THADA: variants seen among roughly 807,000 people sequenced by gnomAD.
THADA encodes the protein tRNA (32-2'-O)-methyltransferase regulator THADA.
Under a neutral mutation model 219.8 loss-of-function variants are expected in THADA, and 213 were observed. The ratio of observed to expected loss-of-function variants is 0.97; its 90% CI spans 0.87 to 1.09. THADA has a LOEUF of 1.09. Among genes scored for constraint, THADA ranks in the 50% least tolerant of loss-of-function variants. The pLI, the probability that THADA is intolerant of heterozygous loss-of-function variation, is 0.00. For synonymous variants in THADA, 1,018 were observed against 828.9 expected, an observed-to-expected ratio of 1.23 and a Z score of -3.92; for missense variants, 2,956 against 2,311.3, an observed-to-expected ratio of 1.28 and a Z score of -5.72.
At chr2:43,380,068 G>T (rs537384840) in intron 29 of THADA, among the ~76,000 whole-genome samples, 1 of 152,208 alleles carries the variant, frequency 6.6e-6, no homozygotes, top group Non-Finnish European at 1.5e-5. Context: ...TTTTTAGGGT[G>T]TGGAACTAAT....
At chr2:43,554,687 G>A (rs7596052) in intron 17 of THADA, among the ~76,000 whole-genome samples, 49,767 of 151,958 alleles carry the variant, frequency 0.33, 8,478 homozygotes, top group South Asian at 0.41. Flanking sequence ...TACAAGTCTC[G>A]GAATTTGTTG....
chr2:43,240,633 T>C (rs1328664990), intron 36 of THADA, among the ~76,000 whole-genome samples: 1 of 152,132 alleles, frequency 6.6e-6, no homozygotes, highest in African/African-American at 2.4e-5. Flanking sequence ...TTCATGGCCA[T>C]GCTATCAAAT....
chr2:43,563,856 G>C (rs567550904), intron 15 of THADA: 2 of 152,206 alleles, frequency 1.3e-5, no homozygotes, highest in Non-Finnish European at 2.9e-5. Flanking sequence ...AGGTTCTTAA[G>C]CCTCCTTTAA....
chr2:43,383,403 G>C (rs193224078), intron 29 of THADA, among the ~76,000 whole-genome samples: 5 of 152,266 alleles, frequency 3.3e-5, no homozygotes, highest in Admixed American at 3.3e-4. Flanking sequence ...ATGAGTTACA[G>C]TATTAAGGGT....
At chr2:43,270,349 G>A (rs1194464871) in intron 36 of THADA, among the ~76,000 whole-genome samples, 4 of 152,102 alleles carry the variant, frequency 2.6e-5, no homozygotes, top group African/African-American at 9.7e-5. Context: ...CTTGACAGAG[G>A]ACCACCTGCC....
At chr2:43,516,228 G>A (rs937535302) in intron 22 of THADA, among the ~76,000 whole-genome samples, 3 of 152,118 alleles carry the variant, frequency 2.0e-5, no homozygotes, top group Non-Finnish European at 4.4e-5. Context: ...ACAGAAGTAA[G>A]AGTAATCCTT....
intron 29 of THADA, among the ~76,000 whole-genome samples, chr2:43,380,936 G>A (rs567974350): frequency 3.4e-4 from 51 of 151,552 alleles, no homozygotes; most frequent in African/African-American, 1.2e-3. Context: ...CCGTCTCTAC[G>A]AAAAATACAA....
intron 32 of THADA, among the ~76,000 whole-genome samples, chr2:43,292,564 T>C (rs544652756): frequency 6.6e-6 from 1 of 152,234 alleles, no homozygotes; most frequent in Non-Finnish European, 1.5e-5. Context: ...ATGATCTGTT[T>C]CCTAAACATC....
At chr2:43,328,185 A>G (rs1464029210) in intron 30 of THADA, among the ~76,000 whole-genome samples, 1 of 152,216 alleles carries the variant, frequency 6.6e-6, no homozygotes, top group Non-Finnish European at 1.5e-5. Flanking sequence ...ACTTGTTTAA[A>G]TCAAAATGCA....
chr2:43,322,665 C>T (rs1468338448), intron 30 of THADA, among the ~76,000 whole-genome samples: 1 of 139,746 alleles, frequency 7.2e-6, no homozygotes, highest in Non-Finnish European at 1.5e-5. Context: ...CTTCCAAGCA[C>T]ATTCTATTCT....
chr2:43,548,809 C>T (rs1696388340), intron 20 of THADA, among the ~76,000 whole-genome samples: 1 of 152,260 alleles, frequency 6.6e-6, no homozygotes, highest in African/African-American at 2.4e-5. Context: ...CTCCCTGACC[C>T]CTTGCGCTTC....
intron 12 of THADA, 86 bp downstream of exon 12, chr2:43,572,728 G>T (rs1699430416): frequency 8.0e-7 from 1 of 1,244,086 alleles, no homozygotes; most frequent in Admixed American, 2.6e-5. Context: ...AAACAGTTCA[G>T]GATACAATGT....
chr2:43,478,160 CA>C (rs965291533), intron 26 of THADA, among the ~76,000 whole-genome samples: 1 of 152,082 alleles, frequency 6.6e-6, no homozygotes, highest in Non-Finnish European at 1.5e-5. Flanking sequence ...ACCAGGATGC[CA>C]AGGTCCATAA....
chr2:43,432,897 T>C (rs573265113), intron 26 of THADA, among the ~76,000 whole-genome samples: 2 of 152,368 alleles, frequency 1.3e-5, no homozygotes, highest in South Asian at 2.1e-4. Context: ...ATGCATGGCA[T>C]ATACCTTCTT....
chr2:43,245,546 T>C (rs1180052226), intron 36 of THADA, among the ~76,000 whole-genome samples: 1 of 152,182 alleles, frequency 6.6e-6, no homozygotes, highest in Non-Finnish European at 1.5e-5. Flanking sequence ...TCTGAGTTCT[T>C]TGTGAAGCTT....
intron 36 of THADA, among the ~76,000 whole-genome samples, chr2:43,262,140 G>T (rs1671032223): frequency 6.6e-6 from 1 of 152,204 alleles, no homozygotes; most frequent in Admixed American, 6.5e-5. Flanking sequence ...TCCTTAGCAA[G>T]CGAACTCTAG....
intron 22 of THADA, among the ~76,000 whole-genome samples, chr2:43,518,432 C>A (rs114770276): frequency 6.6e-6 from 1 of 152,152 alleles, no homozygotes; most frequent in Non-Finnish European, 1.5e-5. Context: ...AGTATTCATA[C>A]AAGAATATTT....
chr2:43,503,544 G>A (rs910197149), intron 24 of THADA, among the ~76,000 whole-genome samples: 3 of 152,046 alleles, frequency 2.0e-5, no homozygotes, highest in Non-Finnish European at 2.9e-5. Flanking sequence ...AGGAATAAAC[G>A]GGAATGAGAT....
intron 30 of THADA, among the ~76,000 whole-genome samples, chr2:43,321,795 T>G (rs1297080269): frequency 2.6e-5 from 4 of 152,212 alleles, no homozygotes; most frequent in Non-Finnish European, 5.9e-5. Flanking sequence ...TGCCTGGCCA[T>G]GGCAGATGTT....
Sources: gnomAD v4.1 joint callset for allele counts (sites outside exome capture counted in the v4.1 genomes callset) on GRCh38, gnomAD v4.1.1 for gene constraint, MANE v1.5 for transcripts, NCBI Gene and HGNC (gene_info 2026-07-23, HGNC 2026-07-21) for gene names.